The following MRTFA variants were observed in gnomAD, a reference collection of about 807,000 sequenced individuals.
MRTFA encodes myocardin related transcription factor A, also known as myocardin-related transcription factor A.
In MRTFA, 20 loss-of-function variants were observed where a neutral mutation model predicts 83.5. That is an observed-to-expected ratio of 0.24 (90% CI 0.17 to 0.35). The LOEUF is 0.35. Among genes scored for constraint, MRTFA ranks in the 10% least tolerant of loss-of-function variants. MRTFA has a pLI of 1.00. For synonymous variants in MRTFA, 659 were observed against 541.2 expected, an observed-to-expected ratio of 1.22 and a Z score of -3.02; for missense variants, 1,200 against 1,224.7, an observed-to-expected ratio of 0.98 and a Z score of 0.30.
chr22:40,469,157 T>C (rs1338005278), intron 3 of MRTFA, among the ~76,000 whole-genome samples: 1 of 152,060 alleles, frequency 6.6e-6, no homozygotes, highest in African/African-American at 2.4e-5. Context: ...AACAACTAGG[T>C]AGAAATTAGT....
intron 4 of MRTFA, among the ~76,000 whole-genome samples, chr22:40,447,709 C>T (rs6001916): frequency 1.4e-4 from 21 of 152,336 alleles, no homozygotes; most frequent in African/African-American, 5.1e-4. Context: ...ATAACCTCCA[C>T]AATGTGTTAG....
chr22:40,504,593 A>AT (rs1269659243), intron 3 of MRTFA, among the ~76,000 whole-genome samples: 1 of 152,220 alleles, frequency 6.6e-6, no homozygotes, highest in East Asian at 1.9e-4. Flanking sequence ...ACTGAAAATT[A>AT]TTTTCTGAAA....
intron 3 of MRTFA, among the ~76,000 whole-genome samples, chr22:40,488,758 T>C (rs1476646685): frequency 6.6e-6 from 1 of 151,816 alleles, no homozygotes; most frequent in Non-Finnish European, 1.5e-5. Context: ...ACTTAAACCC[T>C]GGACATGGAA....
chr22:40,625,224 A>T (rs1313839970), intron 1 of MRTFA, among the ~76,000 whole-genome samples: 1 of 152,098 alleles, frequency 6.6e-6, no homozygotes, highest in Non-Finnish European at 1.5e-5. Flanking sequence ...TCATGCCTGT[A>T]ATCCCAACAT....
At chr22:40,420,675 A>G in intron 10 of MRTFA, 99 bp from the exon 11 acceptor site, 1 of 1,548,240 alleles carries the variant, frequency 6.5e-7, no homozygotes, top group Admixed American at 1.8e-5. Context: ...ACAGATGGGC[A>G]TGGGGCAAGG....
At chr22:40,587,729 G>T in intron 2 of MRTFA, 1 of 330,100 alleles carries the variant, frequency 3.0e-6, no homozygotes, top group Non-Finnish European at 6.0e-6. Flanking sequence ...ATTTCCAAAA[G>T]CACCCTGGCC....
intron 3 of MRTFA, among the ~76,000 whole-genome samples, chr22:40,532,456 T>C (rs1012693409): frequency 6.6e-6 from 1 of 152,216 alleles, no homozygotes; most frequent in African/African-American, 2.4e-5. Context: ...ATAAGCACAC[T>C]ATCTTGTTTA....
intron 2 of MRTFA, among the ~76,000 whole-genome samples, chr22:40,562,524 GAAAGA>G (rs1203233802): frequency 1.6e-5 from 2 of 128,302 alleles, no homozygotes; most frequent in Non-Finnish European, 3.3e-5. Context: ...AGAAAAGAAA[GAAAGA>G]AAAGAAAAGA....
chr22:40,527,895 G>T (rs1210393891), intron 3 of MRTFA, among the ~76,000 whole-genome samples: 1 of 151,938 alleles, frequency 6.6e-6, no homozygotes, highest in Non-Finnish European at 1.5e-5. Flanking sequence ...TTGACAGCTT[G>T]CCTCATCCAA....
intron 4 of MRTFA, among the ~76,000 whole-genome samples, chr22:40,439,249 T>A (rs926912994): frequency 1.3e-5 from 2 of 152,108 alleles, no homozygotes; most frequent in Non-Finnish European, 2.9e-5. Flanking sequence ...AAGCCTGTAA[T>A]CCTAGCACTT....
chr22:40,487,277 G>A (rs564847003), intron 3 of MRTFA, among the ~76,000 whole-genome samples: 11 of 152,072 alleles, frequency 7.2e-5, no homozygotes, highest in Non-Finnish European at 1.3e-4. Flanking sequence ...TTGTGTATGC[G>A]TTGGTACTAA....
At chr22:40,602,842 A>G (rs982807651) in intron 1 of MRTFA, among the ~76,000 whole-genome samples, 3 of 152,066 alleles carry the variant, frequency 2.0e-5, no homozygotes, top group African/African-American at 7.2e-5. Context: ...GCGAGACTCC[A>G]TCTCAAAAAA....
intron 8 of MRTFA, among the ~76,000 whole-genome samples, 175 bp downstream of exon 8, chr22:40,424,024 GCCACTGC>G (rs1414740310): frequency 1.3e-5 from 2 of 152,188 alleles, no homozygotes; most frequent in African/African-American, 4.8e-5. Flanking sequence ...CTGGAGAGGG[GCCACTGC>G]CCACATCTCC....
intron 3 of MRTFA, among the ~76,000 whole-genome samples, chr22:40,520,039 C>T (rs923536510): frequency 6.6e-6 from 1 of 152,168 alleles, no homozygotes; most frequent in Non-Finnish European, 1.5e-5. Flanking sequence ...TGTATAACCA[C>T]GACAATAAAG....
At chr22:40,468,890 T>C (rs1054963224) in intron 3 of MRTFA, among the ~76,000 whole-genome samples, 4 of 152,172 alleles carry the variant, frequency 2.6e-5, no homozygotes, top group African/African-American at 9.7e-5. Context: ...ACTGGTCTGG[T>C]TGGAGCCAAG....
chr22:40,631,879 C>T (rs2056645700), intron 1 of MRTFA, among the ~76,000 whole-genome samples: 1 of 152,206 alleles, frequency 6.6e-6, no homozygotes, highest in East Asian at 1.9e-4. Flanking sequence ...CTCTCCCCTA[C>T]TTCAGAACTT....
chr22:40,488,513 T>C (rs1222212811), intron 3 of MRTFA, among the ~76,000 whole-genome samples: 1 of 151,572 alleles, frequency 6.6e-6, no homozygotes, highest in East Asian at 1.9e-4. Context: ...TGAGACTCCA[T>C]CTCTCTCTTT....
At chr22:40,496,177 T>A (rs1342941869) in intron 3 of MRTFA, among the ~76,000 whole-genome samples, 3 of 152,134 alleles carry the variant, frequency 2.0e-5, no homozygotes, top group African/African-American at 7.2e-5. Flanking sequence ...GACCTTGAGA[T>A]ATTTAACATC....
chr22:40,565,945 G>A (rs2055697125), intron 2 of MRTFA, among the ~76,000 whole-genome samples: 1 of 152,150 alleles, frequency 6.6e-6, no homozygotes. Context: ...TTACAGTTGA[G>A]GAAACTGAGA....
Sources: allele counts gnomAD v4.1 joint callset (sites outside exome capture counted in the v4.1 genomes callset), GRCh38; gene constraint gnomAD v4.1.1; transcripts MANE v1.5; gene names NCBI Gene and HGNC (gene_info 2026-07-23, HGNC 2026-07-21).